ABCC4: variants seen among roughly 807,000 people sequenced by gnomAD.
The protein encoded by ABCC4 is ATP-binding cassette sub-family C member 4.
In ABCC4, 102 loss-of-function variants were observed where a neutral mutation model predicts 168.5. That is an observed-to-expected ratio of 0.61 (90% confidence interval 0.52 to 0.71). The LOEUF (loss-of-function observed/expected upper bound fraction) is 0.71, where lower values mean the gene tolerates loss of function less well. ABCC4 is among the 30% of genes least tolerant of loss of function. The pLI is 0.00. For missense variants in ABCC4, 1,402 were observed against 1,605.8 expected (o/e 0.87, Z 2.17); for synonymous variants, 617 against 590.7 (o/e 1.04, Z -0.65).
chr13:95,220,485 A>G (rs2039283784), intron 4 of ABCC4, among the ~76,000 whole-genome samples: 1 of 152,074 alleles, frequency 6.6e-6, no homozygotes, highest in Non-Finnish European at 1.5e-5. Flanking sequence ...ATTCATTCCC[A>G]TTTCAAGATT....
intron 25 of ABCC4, among the ~76,000 whole-genome samples, chr13:95,065,902 A>G (rs529152748): frequency 1.3e-5 from 2 of 152,324 alleles, no homozygotes; most frequent in East Asian, 1.9e-4. Flanking sequence ...CATAAAATCA[A>G]TTGGCTTCAG....
At chr13:95,068,723 C>A (rs1352500659) in intron 25 of ABCC4, among the ~76,000 whole-genome samples, 1 of 152,140 alleles carries the variant, frequency 6.6e-6, no homozygotes, top group Non-Finnish European at 1.5e-5. Context: ...TAAGATGGAA[C>A]GATATCAATG....
At chr13:95,054,588 T>C (rs974714337) in intron 26 of ABCC4, among the ~76,000 whole-genome samples, 5 of 152,110 alleles carry the variant, frequency 3.3e-5, no homozygotes, top group African/African-American at 1.2e-4. Flanking sequence ...CAAACTTTTC[T>C]TCTGGAAGGC....
chr13:95,083,266 C>G lies in ABCC4; in HGVS notation c.2560G>C (p.Val854Leu). Reference protein sequence around the residue: ...IQTLLQVVGVVSVAVAVIPWI... With the variant: ...IQTLLQVVGVLSVAVAVIPWI... ...GGAATCACGGCCACAGCCACAGAGACCACACCAACCACTTGTAGCAATGTC... is the reference window on the plus strand; with the variant it reads ...GGAATCACGGCCACAGCCACAGAGAGCACACCAACCACTTGTAGCAATGTC... Residue 854 changes from valine to leucine, a missense_variant, in exon 21 of 31, where the codon GTC becomes CTC. Coordinates refer to ENST00000645237, the MANE Select transcript of ABCC4 (RefSeq NM_005845.5). 6.2e-7 allele frequency: 1 copy of G among 1,613,886 alleles called. No individual in the cohort carries two copies. The highest frequency in any genetic ancestry group is 8.5e-7 in the Non-Finnish European group (1 of 1,179,886).
At chr13:95,239,164 C>T (rs370586007) in intron 3 of ABCC4, among the ~76,000 whole-genome samples, 1 of 147,996 alleles carries the variant, frequency 6.8e-6, no homozygotes. Flanking sequence ...ATGTAAACTG[C>T]AAAAAAAAAA....
chr13:95,095,859 AATAC>A (rs1357054650), intron 20 of ABCC4: 1 of 313,700 alleles, frequency 3.2e-6, no homozygotes, highest in East Asian at 4.8e-5. Context: ...TGCAATTCAG[AATAC>A]ATAAAGAATT....
chr13:95,081,886 G>C (rs2034109397), intron 21 of ABCC4, among the ~76,000 whole-genome samples: 1 of 152,112 alleles, frequency 6.6e-6, no homozygotes, highest in Non-Finnish European at 1.5e-5. Flanking sequence ...TGTAATCCCA[G>C]CTACTTGGGA....
chr13:95,074,617 A>G (rs969389845), intron 22 of ABCC4, among the ~76,000 whole-genome samples: 1 of 152,224 alleles, frequency 6.6e-6, no homozygotes, highest in Non-Finnish European at 1.5e-5. Flanking sequence ...GCTGAGAAAT[A>G]CTTATGTGAA....
At chr13:95,139,616 G>A (rs2036252405) in intron 19 of ABCC4, among the ~76,000 whole-genome samples, 1 of 152,192 alleles carries the variant, frequency 6.6e-6, no homozygotes, top group Non-Finnish European at 1.5e-5. Flanking sequence ...CCTCCAGGAA[G>A]GCAGGATCTA....
chr13:95,061,511 A>G lies in ABCC4; in HGVS notation c.3366+1193T>C, dbSNP rs140674983. Among the ~76,000 whole-genome samples the G allele has an allele frequency of 1.9e-3, 294 of 152,088 alleles. 2 individuals are homozygous for G. In the South Asian group the frequency reaches 0.025, roughly 13 times the overall value. ...CTAAACAGGCATTGAAGAGTTGTTTATATCCACATGCCCAGAAAGCTCATT... is the reference window on the plus strand; with the variant it reads ...CTAAACAGGCATTGAAGAGTTGTTTGTATCCACATGCCCAGAAAGCTCATT... On this transcript the variant is annotated intron_variant, in intron 26 of 30. Transcript: ENST00000645237.
chr13:95,283,361 G>GTT (rs71113906), intron 1 of ABCC4, among the ~76,000 whole-genome samples: 2 of 87,264 alleles, frequency 2.3e-5, no homozygotes, highest in African/African-American at 7.6e-5. Flanking sequence ...TTTTTCTGTG[G>GTT]TTTTTTTTTT....
intron 11 of ABCC4, among the ~76,000 whole-genome samples, chr13:95,182,084 C>T (rs1233460493): frequency 3.3e-5 from 5 of 152,146 alleles, no homozygotes; most frequent in Non-Finnish European, 7.3e-5. Context: ...GCCACCACGC[C>T]GGGCCCTCAG....
rs4148550 is a variant in ABCC4, at chr13:95,021,686, G to GA, written c.3871-5dup. 13,080 of 1,223,308 alleles carry GA rather than the reference G, an allele frequency of 0.011. No homozygotes were observed. Among genetic ancestry groups the GA allele is most frequent in the Non-Finnish European group, 0.012 (10,576 of 887,500 alleles). The allele number at this position is 1,223,308 out of a possible 1,614,324, so 75.8% of individuals were successfully genotyped here. ...GATAATTTCTTTTGAAGTATACCTA[G>GA]AAAAAAAAAAGGTAAGCATAAAAAG... On this transcript the variant is annotated splice_polypyrimidine_tract_variant and splice_region_variant and intron_variant, in intron 30 of 30. Transcript: ENST00000645237.
At chr13:95,263,024 A>G (rs2040574856) in intron 1 of ABCC4, among the ~76,000 whole-genome samples, 1 of 151,908 alleles carries the variant, frequency 6.6e-6, no homozygotes, top group East Asian at 1.9e-4. Flanking sequence ...CATTTTGGGG[A>G]CTTTTGTGGG....
intron 24 of ABCC4, among the ~76,000 whole-genome samples, chr13:95,072,347 G>A (rs1566392194): frequency 6.6e-6 from 1 of 152,128 alleles, no homozygotes; most frequent in Non-Finnish European, 1.5e-5. Flanking sequence ...TGTAATCCCA[G>A]CTACTCAGGA....
intron 13 of ABCC4, among the ~76,000 whole-genome samples, chr13:95,174,384 T>C (rs2037590921): frequency 6.6e-6 from 1 of 152,254 alleles, no homozygotes; most frequent in African/African-American, 2.4e-5. Context: ...TTTCATAGCA[T>C]ATTGTTCAAT....
chr13:95,209,649 T>A (rs2038896865), intron 5 of ABCC4, 52 bp from the exon 6 acceptor site: 2 of 1,532,110 alleles, frequency 1.3e-6, no homozygotes, highest in Non-Finnish European at 8.9e-7. Context: ...GCAAAACCAG[T>A]AAGAACACAG....
chr13:95,192,018 G>A (rs1370339843), intron 9 of ABCC4, among the ~76,000 whole-genome samples: 3 of 152,232 alleles, frequency 2.0e-5, no homozygotes, highest in South Asian at 4.1e-4. Context: ...AAGGCAGGCA[G>A]ACTGAGCCCC....
At chr13:95,044,498 C>T in intron 27 of ABCC4, 60 bp from the exon 28 acceptor site, 2 of 1,482,458 alleles carry the variant, frequency 1.3e-6, no homozygotes, top group Non-Finnish European at 1.8e-6. Context: ...AGTAGTCAAG[C>T]CTCATAGACA....
Sources: allele counts gnomAD v4.1 joint callset (sites outside exome capture counted in the v4.1 genomes callset), GRCh38; gene constraint gnomAD v4.1.1; transcripts MANE v1.5; gene names NCBI Gene and HGNC (gene_info 2026-07-23, HGNC 2026-07-21).